CCDC178: variants seen among roughly 807,000 people sequenced by gnomAD.
The protein encoded by CCDC178 is coiled-coil domain-containing protein 178.
Under a neutral mutation model 117.4 loss-of-function variants are expected in CCDC178, and 126 were observed. The ratio of observed to expected loss-of-function variants is 1.07; its 90% CI spans 0.93 to 1.24. The LOEUF is 1.24. CCDC178 is among the 50% of genes most tolerant of loss of function. The pLI, the probability that CCDC178 is intolerant of heterozygous loss-of-function variation, is 0.00. For synonymous variants in CCDC178, 283 were observed against 313.4 expected, an observed-to-expected ratio of 0.90 and a Z score of 1.02; for missense variants, 1,030 against 986.9, an observed-to-expected ratio of 1.04 and a Z score of -0.59.
At chr18:33,077,368 A>C (rs1567973828) in intron 21 of CCDC178, among the ~76,000 whole-genome samples, 1 of 152,298 alleles carries the variant, frequency 6.6e-6, no homozygotes, top group African/African-American at 2.4e-5. Flanking sequence ...TCCTAACCCA[A>C]GTAGCCTGTA....
At position 33,223,094 on chromosome 18, in the gene CCDC178, T is replaced by G. The variant is rs1373018310; in HGVS notation, c.1932+12A>C. The G allele has an allele frequency of 6.4e-7, 1 of 1,564,218 alleles. No homozygotes were observed. The highest frequency in any genetic ancestry group is 1.2e-5 in the South Asian group (1 of 86,004). ...GTAAATTCAAAATTAGATTCTGAAC[T>G]TAAATTCTTACCTCAGTTTCTATTA... On this transcript the variant is annotated intron_variant, in intron 18 of 22. Transcript: ENST00000383096.
At chr18:33,346,568 C>T (rs776775386) in intron 8 of CCDC178, among the ~76,000 whole-genome samples, 157 bp from the exon 9 acceptor site, 7 of 151,602 alleles carry the variant, frequency 4.6e-5, no homozygotes, top group Non-Finnish European at 7.4e-5. Context: ...TATTATAATA[C>T]AAATATAAGA....
intron 21 of CCDC178, among the ~76,000 whole-genome samples, chr18:33,033,213 C>T (rs996728213): frequency 1.3e-5 from 2 of 151,952 alleles, no homozygotes; most frequent in African/African-American, 2.4e-5. Context: ...GGAGAGGGTC[C>T]TTGAAAAAAA....
intron 11 of CCDC178, among the ~76,000 whole-genome samples, chr18:33,319,470 T>A (rs146325976): frequency 0.07 from 10,653 of 152,262 alleles, 471 homozygotes; most frequent in Non-Finnish European, 0.093. Context: ...GTTCCAAGTC[T>A]TTCCTATTGT....
At chr18:33,020,432 T>C (rs1195634658) in intron 21 of CCDC178, among the ~76,000 whole-genome samples, 1 of 152,200 alleles carries the variant, frequency 6.6e-6, no homozygotes, top group East Asian at 1.9e-4. Flanking sequence ...TTGAGATTTA[T>C]ACATCACTGT....
chr18:33,025,165 T>A (rs949230973), intron 21 of CCDC178, among the ~76,000 whole-genome samples: 2 of 152,326 alleles, frequency 1.3e-5, no homozygotes, highest in South Asian at 4.1e-4. Flanking sequence ...GCTGTTTGAA[T>A]ATTTGGAAAT....
At chr18:32,977,418 A>G (rs552030216) in intron 21 of CCDC178, among the ~76,000 whole-genome samples, 48 of 152,270 alleles carry the variant, frequency 3.2e-4, no homozygotes, top group African/African-American at 1.1e-3. Flanking sequence ...ACATCTAGAT[A>G]TGCTTGTTAG....
At chr18:32,938,825 C>T (rs2054175959) in intron 22 of CCDC178, among the ~76,000 whole-genome samples, 1 of 152,074 alleles carries the variant, frequency 6.6e-6, no homozygotes, top group Admixed American at 6.5e-5. Context: ...AAGTATTTTT[C>T]TCAAACTATT....
chr18:33,206,685 T>C (rs920430455), intron 20 of CCDC178, among the ~76,000 whole-genome samples: 2 of 152,100 alleles, frequency 1.3e-5, no homozygotes, highest in Non-Finnish European at 1.5e-5. Context: ...AAAGAATATA[T>C]TGTTAAATTT....
chr18:33,313,604 T>A (rs185505492), intron 11 of CCDC178, among the ~76,000 whole-genome samples: 1 of 152,178 alleles, frequency 6.6e-6, no homozygotes, highest in African/African-American at 2.4e-5. Flanking sequence ...AAGTCCTTTA[T>A]AACTGGGTTT....
chr18:33,379,373 C>A (rs2063410930), intron 5 of CCDC178, among the ~76,000 whole-genome samples: 1 of 151,910 alleles, frequency 6.6e-6, no homozygotes, highest in Non-Finnish European at 1.5e-5. Flanking sequence ...CCAATAGATG[C>A]CACTTATGCG....
chr18:33,390,904 T>C (rs1293965226), intron 4 of CCDC178, among the ~76,000 whole-genome samples: 1 of 151,740 alleles, frequency 6.6e-6, no homozygotes, highest in Non-Finnish European at 1.5e-5. Flanking sequence ...GTTAAAATGC[T>C]TGCAGATTAA....
At position 33,433,113 on chromosome 18, in the gene CCDC178, T is replaced by C. The variant is rs184081966; in HGVS notation, c.-23+6849A>G. On this transcript the variant is annotated intron_variant, in intron 2 of 22. Transcript: ENST00000383096. ...TTATAAACCTTGTAGGGTTTAAAGT[T>C]TGGATAACGTGAGGGGAGTATTGAG... Among the ~76,000 whole-genome samples the C allele has an allele frequency of 2.0e-3, 303 of 152,292 alleles. 1 individual carries two copies. Among genetic ancestry groups the C allele is most frequent in the African/African-American group, 6.9e-3 (288 of 41,580 alleles).
chr18:33,234,130 C>T (rs764457719), intron 15 of CCDC178, among the ~76,000 whole-genome samples: 2 of 152,114 alleles, frequency 1.3e-5, no homozygotes, highest in African/African-American at 4.8e-5. Flanking sequence ...ATTTCTATCA[C>T]ATTTTCATGT....
intron 21 of CCDC178, among the ~76,000 whole-genome samples, chr18:33,039,474 T>C (rs921268482): frequency 2.0e-5 from 3 of 152,034 alleles, no homozygotes; most frequent in Non-Finnish European, 4.4e-5. Flanking sequence ...AGAGCTCACA[T>C]TGGAGTGAAG....
chr18:33,141,529 C>G (rs556266340), intron 20 of CCDC178, among the ~76,000 whole-genome samples: 16 of 152,288 alleles, frequency 1.1e-4, no homozygotes, highest in African/African-American at 1.4e-4. Flanking sequence ...GAACACTGCT[C>G]ACTGCTCAAG....
chr18:32,978,129 C>G (rs1297909394), intron 21 of CCDC178, among the ~76,000 whole-genome samples: 1 of 150,328 alleles, frequency 6.7e-6, no homozygotes, highest in Non-Finnish European at 1.5e-5. Flanking sequence ...TATCCATATT[C>G]ACATGTTAAC....
chr18:33,316,481 T>A (rs980434299), intron 11 of CCDC178, among the ~76,000 whole-genome samples: 2 of 151,872 alleles, frequency 1.3e-5, no homozygotes, highest in African/African-American at 4.8e-5. Flanking sequence ...CCACACGCCG[T>A]GGGCTCCTGC....
chr18:33,104,360 T>C (rs537239941), intron 20 of CCDC178, among the ~76,000 whole-genome samples: 109 of 151,904 alleles, frequency 7.2e-4, no homozygotes, highest in African/African-American at 2.5e-3. Context: ...AAATCTGTCA[T>C]CATTAATAGT....
Sources: allele counts gnomAD v4.1 joint callset (sites outside exome capture counted in the v4.1 genomes callset), GRCh38; gene constraint gnomAD v4.1.1; transcripts MANE v1.5; gene names NCBI Gene and HGNC (gene_info 2026-07-23, HGNC 2026-07-21).